The following EPHA5 variants were observed in gnomAD, a reference collection of about 807,000 sequenced individuals.
The protein encoded by EPHA5 is EPH receptor A5.
Under a neutral mutation model 105.0 loss-of-function variants are expected in EPHA5, and 60 were observed. The observed-to-expected ratio is 0.57, with a 90% confidence interval of 0.46 to 0.71. The LOEUF (loss-of-function observed/expected upper bound fraction) is 0.71. EPHA5 is among the 30% of genes least tolerant of loss of function. EPHA5 has a pLI of 0.00. For missense variants in EPHA5, 1,218 were observed against 1,274.7 expected, an observed-to-expected ratio of 0.96 and a Z score of 0.68; for synonymous variants, 513 against 449.1, an observed-to-expected ratio of 1.14 and a Z score of -1.80.
intron 3 of EPHA5, among the ~76,000 whole-genome samples, chr4:65,586,589 C>G (rs908380953): frequency 6.6e-6 from 1 of 151,728 alleles, no homozygotes; most frequent in Non-Finnish European, 1.5e-5. Flanking sequence ...GCTTTATCTA[C>G]TTTTTCAATT....
rs939911480 is a variant in EPHA5 at position 65,520,066 on chromosome 4, C to T, written c.911-24523G>A. Among the ~76,000 whole-genome samples, 3 of 152,104 alleles carry T rather than the reference C, an allele frequency of 2.0e-5. No individual in the cohort carries two copies. In the South Asian group the frequency reaches 6.2e-4, roughly 32 times the overall value. ...TGGAACCAAAAAAGAGCCTGCATTG[C>T]CAAGACAATCCTAAGCCAAAAGAAC... On this transcript the variant is annotated intron_variant, in intron 3 of 16. Transcript: ENST00000613740.
At chr4:65,517,827 T>G (rs2149272355) in intron 3 of EPHA5, among the ~76,000 whole-genome samples, 1 of 152,070 alleles carries the variant, frequency 6.6e-6, no homozygotes, top group Non-Finnish European at 1.5e-5. Flanking sequence ...CAAAAAAGTT[T>G]TTCAAAGTTT....
chr4:65,566,033 T>C (rs1739498086), intron 3 of EPHA5, among the ~76,000 whole-genome samples: 1 of 151,698 alleles, frequency 6.6e-6, no homozygotes, highest in African/African-American at 2.4e-5. Context: ...CAAAATATCC[T>C]TTCAAACTTG....
In EPHA5 at chr4:65,669,733, A is replaced by G. The variant is rs758663274; in HGVS notation, c.10T>C (p.Ser4Pro). The change falls in exon 1 of 17, where the codon TCG becomes CCG. Residue 4 changes from serine (S) to proline (P), a missense_variant. Transcript: ENST00000613740. ...CGGCGTCCCGCACCCCGGGGCCCCG[A>G]GCCCCGCATCTTCTCCGAGCCTCCT... MRG[S>P]GPRGAGRRRP... is the part of the protein sequence containing the mutation. The G allele has an allele frequency of 5.4e-5, 68 of 1,261,264 alleles. No individual in the cohort carries two copies. Among genetic ancestry groups the G allele is most frequent in the Non-Finnish European group, 6.7e-5 (67 of 1,002,208 alleles). 78.1% of individuals were successfully genotyped at this position (1,261,264 alleles called of 1,614,324 possible).
chr4:65,341,458 T>A (rs901396780), intron 14 of EPHA5, among the ~76,000 whole-genome samples: 7 of 151,900 alleles, frequency 4.6e-5, no homozygotes, highest in African/African-American at 1.7e-4. Context: ...GAGAGAGATA[T>A]GAATGTCACC....
chr4:65,426,687 A>C (rs1334643473), intron 5 of EPHA5, among the ~76,000 whole-genome samples: 1 of 152,138 alleles, frequency 6.6e-6, no homozygotes, highest in Non-Finnish European at 1.5e-5. Flanking sequence ...CCTACTTTAT[A>C]GTTTTTAAGT....
intron 8 of EPHA5, among the ~76,000 whole-genome samples, chr4:65,389,635 T>A (rs1276648947): frequency 6.6e-6 from 1 of 151,992 alleles, no homozygotes. Context: ...ATGGAGAGGA[T>A]CAGTTTAAAC....
rs144635985 is a variant in EPHA5 at position 65,607,259 on chromosome 4, A to T, written c.247-4955T>A. Among the ~76,000 whole-genome samples, 1,338 of 152,266 alleles carry T rather than the reference A, an allele frequency of 8.8e-3. 8 individuals carry two copies. The highest frequency in any genetic ancestry group is 0.017 in the Middle Eastern group (5 of 294). On this transcript the variant is annotated intron_variant, in intron 2 of 16. Transcript: ENST00000613740. ...AAACCTAGGCAATACCATTCAGGACATAGGCATGGGCAAATAATTCATAAC... is the reference window on the plus strand; with the variant it reads ...AAACCTAGGCAATACCATTCAGGACTTAGGCATGGGCAAATAATTCATAAC...
rs538437765 is a variant in EPHA5, at chr4:65,435,937, A to AT, written c.1403-15373dup. The stretch of plus-strand genomic sequence containing the variant: ...AACTATTCTATAAAATTTAAATATG[A>AT]TTTTTTTCTTCCCTGTGATTTTAAG... On this transcript the variant is annotated intron_variant, in intron 5 of 16. Coordinates refer to ENST00000613740, the MANE Select transcript of EPHA5 (RefSeq NM_001281766.3). Among the ~76,000 whole-genome samples, 201 of 152,098 alleles carry AT rather than the reference A, an allele frequency of 1.3e-3. 1 individual carries two copies. The highest frequency in any genetic ancestry group is 4.6e-3 in the African/African-American group (190 of 41,536).
chr4:65,336,977 AC>A lies in EPHA5; in HGVS notation c.2596-853del, dbSNP rs35024865. 8.8e-3 allele frequency among the ~76,000 whole-genome samples: 1,347 copies of A among 152,250 alleles called. 7 individuals carry two copies. The highest frequency in any genetic ancestry group is 0.014 in the Non-Finnish European group (966 of 68,008). On this transcript the variant is annotated intron_variant, in intron 14 of 16. Transcript: ENST00000613740. ...ATATCTTATTTTGCATATTTCTTTAACAATTAGTCTTAATTATACTTTTTCA... is the reference window on the plus strand; with the variant it reads ...ATATCTTATTTTGCATATTTCTTTAAAATTAGTCTTAATTATACTTTTTCA...
chr4:65,406,364 C>T (rs1456809913), intron 7 of EPHA5, among the ~76,000 whole-genome samples: 1 of 152,162 alleles, frequency 6.6e-6, no homozygotes, highest in African/African-American at 2.4e-5. Flanking sequence ...AACTTACCCT[C>T]CACCATTGTA....
chr4:65,499,073 G>A (rs1313608836), intron 3 of EPHA5, among the ~76,000 whole-genome samples: 2 of 151,012 alleles, frequency 1.3e-5, no homozygotes, highest in East Asian at 1.9e-4. Context: ...AGCATCTCCT[G>A]TTCCTTCAAG....
At chr4:65,652,163 T>C (rs570776319) in intron 1 of EPHA5, among the ~76,000 whole-genome samples, 88 of 152,288 alleles carry the variant, frequency 5.8e-4, no homozygotes, top group African/African-American at 2.0e-3. Context: ...ACTATGTATA[T>C]AGATAATATG....
At chr4:65,347,582 A>C (rs1722340437) in intron 14 of EPHA5, among the ~76,000 whole-genome samples, 1 of 152,222 alleles carries the variant, frequency 6.6e-6, no homozygotes, top group Non-Finnish European at 1.5e-5. Context: ...TAAATAAACA[A>C]TACAACTCTT....
intron 3 of EPHA5, among the ~76,000 whole-genome samples, chr4:65,563,077 A>G (rs1346857414): frequency 1.3e-5 from 2 of 152,026 alleles, no homozygotes; most frequent in African/African-American, 4.8e-5. Context: ...TATACTTTCA[A>G]GTAGATCAAG....
intron 3 of EPHA5, among the ~76,000 whole-genome samples, chr4:65,574,601 T>TATATATATATACATATATATATATACAC (rs1740617270): frequency 1.1e-5 from 1 of 87,788 alleles, no homozygotes; most frequent in South Asian, 3.4e-4. Flanking sequence ...TATATTGCTG[T>TATATATATATACATATATATATATACAC]ATATATATAT....
At chr4:65,443,692 G>T (rs866627767) in intron 5 of EPHA5, among the ~76,000 whole-genome samples, 8 of 152,190 alleles carry the variant, frequency 5.3e-5, no homozygotes, top group Middle Eastern at 3.4e-3. Context: ...ACCTAGAATG[G>T]CAAGCTAATA....
intron 3 of EPHA5, among the ~76,000 whole-genome samples, chr4:65,506,123 A>G (rs1732995513): frequency 6.6e-6 from 1 of 152,102 alleles, no homozygotes; most frequent in Non-Finnish European, 1.5e-5. Flanking sequence ...TCCTTGCAAT[A>G]GTTTGCTGAG....
intron 3 of EPHA5, among the ~76,000 whole-genome samples, chr4:65,596,265 C>T (rs1743173458): frequency 6.6e-6 from 1 of 152,058 alleles, no homozygotes; most frequent in Non-Finnish European, 1.5e-5. Context: ...GATTTTCCCC[C>T]AGTGAATATT....
Sources: gnomAD v4.1 joint callset for allele counts (sites outside exome capture counted in the v4.1 genomes callset) on GRCh38, gnomAD v4.1.1 for gene constraint, MANE v1.5 for transcripts, NCBI Gene and HGNC (gene_info 2026-07-23, HGNC 2026-07-21) for gene names.